Variants in DLGAP2 observed in about 807,000 individuals in gnomAD.
DLGAP2 encodes the protein DLG associated protein 2.
A neutral mutation model predicts 100.3 loss-of-function variants in DLGAP2; 26 were observed. The observed-to-expected ratio is 0.26, with a 90% CI of 0.19 to 0.36. The LOEUF (loss-of-function observed/expected upper bound fraction) is 0.36. DLGAP2 is among the 10% of genes least tolerant of loss of function. The probability of loss-of-function intolerance (pLI) is 1.00; values close to 1 mark genes in which losing one functional copy is unlikely to be tolerated. For missense variants in DLGAP2, 1,858 were observed against 1,453.2 expected (o/e 1.28, Z -4.53); for synonymous variants, 886 against 630.1 (o/e 1.41, Z -6.08).
At chr8:871,338 C>T (rs1797594657) in intron 1 of DLGAP2, among the ~76,000 whole-genome samples, 1 of 152,212 alleles carries the variant, frequency 6.6e-6, no homozygotes, top group Non-Finnish European at 1.5e-5. Flanking sequence ...TCACCTGCTA[C>T]ATTTCCATTT....
At position 1,294,368 on chromosome 8, in the gene DLGAP2, G is replaced by A. The variant is rs768353339; in HGVS notation, c.106+35485G>A. Among the ~76,000 whole-genome samples, 7 of 152,312 alleles carry A rather than the reference G, an allele frequency of 4.6e-5. 1 individual carries two copies. The highest frequency in any genetic ancestry group is 2.1e-4 in the South Asian group (1 of 4,826). ...ATTGTGATTGGCACTCTCCGTCGTC[G>A]TCCACGAGTGACTGGTGAGGTTGTT... is the stretch of plus-strand genomic sequence containing the variant. On this transcript the variant is annotated intron_variant, in intron 3 of 14. Coordinates refer to ENST00000637795, the MANE Select transcript of DLGAP2 (RefSeq NM_001346810.2).
intron 3 of DLGAP2, 135 bp downstream of exon 3, chr8:1,259,018 G>C (rs1434689336): frequency 1.4e-6 from 1 of 707,058 alleles, no homozygotes; most frequent in Non-Finnish European, 2.0e-6. Flanking sequence ...CTGTTTGATA[G>C]GAACGTGAGT....
chr8:1,327,732 T>G (rs1347146190), intron 3 of DLGAP2, among the ~76,000 whole-genome samples: 2 of 151,982 alleles, frequency 1.3e-5, no homozygotes, highest in Non-Finnish European at 2.9e-5. Flanking sequence ...TAGTCCCAGC[T>G]ACTCAGGTGG....
intron 3 of DLGAP2, among the ~76,000 whole-genome samples, chr8:1,497,833 G>A (rs1039311348): frequency 6.6e-6 from 1 of 152,222 alleles, no homozygotes; most frequent in Admixed American, 6.5e-5. Flanking sequence ...CTTGTAGGTA[G>A]ATTTTTCCTG....
intron 3 of DLGAP2, among the ~76,000 whole-genome samples, chr8:1,436,116 A>T (rs1162034931): frequency 2.0e-5 from 3 of 152,178 alleles, no homozygotes; most frequent in Admixed American, 6.5e-5. Context: ...TTTATTGAGG[A>T]GAATTGACTC....
At position 1,549,275 on chromosome 8, in the gene DLGAP2, C is replaced by T. The variant is rs774759297; in HGVS notation, c.822C>T (p.His274=). 1 of 1,611,786 alleles carries T rather than the reference C, an allele frequency of 6.2e-7. No individual in the cohort carries two copies. Among genetic ancestry groups the T allele is most frequent in the South Asian group, 1.1e-5 (1 of 91,014 alleles). ...DDHHHAHHAK[H]SKRSKSKERK... Reference sequence around the variant, plus strand: ...ACCACCACGCCCACCACGCCAAGCACAGCAAGAGGAGCAAGAGCAAGGAGC... The same window carrying T: ...ACCACCACGCCCACCACGCCAAGCATAGCAAGAGGAGCAAGAGCAAGGAGC... The change falls in exon 5 of 15, where the codon CAC becomes CAT. Residue 274 remains histidine, a synonymous_variant. Transcript: ENST00000637795.
At chr8:1,199,929 G>A (rs973517065) in intron 2 of DLGAP2, among the ~76,000 whole-genome samples, 17 of 142,576 alleles carry the variant, frequency 1.2e-4, no homozygotes, top group Non-Finnish European at 2.0e-4. Flanking sequence ...GCCACGAGGT[G>A]GAAGGATTCC....
chr8:1,523,463 A>C (rs1269267072), intron 4 of DLGAP2, among the ~76,000 whole-genome samples: 1 of 152,220 alleles, frequency 6.6e-6, no homozygotes. Flanking sequence ...CGGAGCCCCA[A>C]GGCGGGCCAG....
At chr8:1,149,598 G>C (rs1796664239) in intron 2 of DLGAP2, among the ~76,000 whole-genome samples, 1 of 152,084 alleles carries the variant, frequency 6.6e-6, no homozygotes, top group South Asian at 2.1e-4. Context: ...TAATATTTAA[G>C]TTTTATTCTT....
At chr8:1,598,280 G>T (rs1234533132) in intron 6 of DLGAP2, among the ~76,000 whole-genome samples, 1 of 152,154 alleles carries the variant, frequency 6.6e-6, no homozygotes, top group Non-Finnish European at 1.5e-5. Context: ...ATTTTATTGA[G>T]GATTTCTGCA....
chr8:769,939 G>A (rs936484550), intron 1 of DLGAP2, among the ~76,000 whole-genome samples: 3 of 147,946 alleles, frequency 2.0e-5, no homozygotes, highest in African/African-American at 7.5e-5. Context: ...GGGTCATGCC[G>A]ACCCCAGAGT....
intron 2 of DLGAP2, among the ~76,000 whole-genome samples, chr8:1,043,127 A>G (rs1269287757): frequency 4.9e-5 from 4 of 81,702 alleles, no homozygotes; most frequent in East Asian, 4.4e-4. Flanking sequence ...AGTGGGTGGT[A>G]GATGTGGCTG....
At chr8:863,724 G>A (rs540156713) in intron 1 of DLGAP2, among the ~76,000 whole-genome samples, 2 of 152,312 alleles carry the variant, frequency 1.3e-5, no homozygotes, top group East Asian at 3.9e-4. Flanking sequence ...GACAAAGACA[G>A]CAGATGCCAG....
chr8:1,277,878 T>C (rs1056461868), intron 3 of DLGAP2, among the ~76,000 whole-genome samples: 24 of 152,374 alleles, frequency 1.6e-4, no homozygotes, highest in African/African-American at 5.0e-4. Context: ...AGATGTGTCA[T>C]GTCCGTGACA....
intron 1 of DLGAP2, among the ~76,000 whole-genome samples, chr8:855,232 T>C (rs1465808303): frequency 6.6e-6 from 1 of 152,204 alleles, no homozygotes; most frequent in African/African-American, 2.4e-5. Flanking sequence ...TATGTTACGC[T>C]TTTCATTTCC....
At chr8:1,287,637 T>A (rs1419690414) in intron 3 of DLGAP2, among the ~76,000 whole-genome samples, 2 of 116,542 alleles carry the variant, frequency 1.7e-5, no homozygotes, top group African/African-American at 3.6e-5. Flanking sequence ...CGGTTGAGTG[T>A]GTGTGTGTGT....
chr8:739,200 C>G (rs897512868), intron 1 of DLGAP2: 2 of 152,264 alleles, frequency 1.3e-5, no homozygotes, highest in African/African-American at 2.4e-5. Flanking sequence ...GCCGCTTCTC[C>G]CGTCTTCCCG....
intron 6 of DLGAP2, among the ~76,000 whole-genome samples, chr8:1,595,400 A>G (rs1420867681): frequency 4.6e-5 from 7 of 152,072 alleles, no homozygotes; most frequent in African/African-American, 1.7e-4. Context: ...GCGGTGGCTC[A>G]CGCCTGTAAT....
chr8:755,793 T>C (rs1360382782), intron 1 of DLGAP2, among the ~76,000 whole-genome samples: 4 of 152,172 alleles, frequency 2.6e-5, no homozygotes, highest in Non-Finnish European at 5.9e-5. Context: ...GGTGTGCTTT[T>C]GAAAGAGCAA....
Sources: allele counts gnomAD v4.1 joint callset (sites outside exome capture counted in the v4.1 genomes callset), GRCh38; gene constraint gnomAD v4.1.1; transcripts MANE v1.5; gene names NCBI Gene and HGNC (gene_info 2026-07-23, HGNC 2026-07-21).